Variants in GRM3 observed in about 807,000 individuals in gnomAD.
GRM3 encodes the protein metabotropic glutamate receptor 3.
Under a neutral mutation model 70.5 loss-of-function variants are expected in GRM3, and 26 were observed. The observed-to-expected ratio is 0.37, with a 90% CI of 0.27 to 0.51. The LOEUF is 0.51. Among genes scored for constraint, GRM3 ranks in the 20% least tolerant of loss-of-function variants. The pLI, the probability that GRM3 is intolerant of heterozygous loss-of-function variation, is 0.93. For missense variants in GRM3, 859 were observed against 1,123.8 expected, an observed-to-expected ratio of 0.76 and a Z score of 3.37; for synonymous variants, 443 against 434.9, an observed-to-expected ratio of 1.02 and a Z score of -0.23.
chr7:86,651,569 G>A (rs998461151), intron 1 of GRM3, among the ~76,000 whole-genome samples: 1 of 152,066 alleles, frequency 6.6e-6, no homozygotes, highest in African/African-American at 2.4e-5. Context: ...TTTCTACTTT[G>A]GAACATCTTG....
At position 86,666,111 on chromosome 7, in the gene GRM3, G is replaced by C. The variant is rs76769011; in HGVS notation, c.-141+21239G>C. 3.5e-3 allele frequency among the ~76,000 whole-genome samples: 539 copies of C among 152,104 alleles called. 1 individual carries two copies. Among genetic ancestry groups the C allele is most frequent in the East Asian group, 0.023 (119 of 5,184 alleles). ...TTGAAATGTATTTTAACAAAAGCAT[G>C]AGTTATTGAAAGTCAAATAATCCTT... On this transcript the variant is annotated intron_variant, in intron 1 of 5. Transcript: ENST00000361669.
At chr7:86,799,813 G>A (rs139227863) in intron 3 of GRM3, among the ~76,000 whole-genome samples, 2,976 of 152,258 alleles carry the variant, frequency 0.02, 91 homozygotes, top group African/African-American at 0.067. Flanking sequence ...ACAGGCGTGA[G>A]CCACCATGCC....
intron 1 of GRM3, among the ~76,000 whole-genome samples, chr7:86,729,239 T>A (rs1795664478): frequency 6.6e-6 from 1 of 152,202 alleles, no homozygotes; most frequent in African/African-American, 2.4e-5. Context: ...TATAGCAAAG[T>A]AATCTCTTCT....
intron 3 of GRM3, among the ~76,000 whole-genome samples, chr7:86,797,700 G>A (rs1430712783): frequency 6.6e-6 from 1 of 152,210 alleles, no homozygotes; most frequent in Non-Finnish European, 1.5e-5. Flanking sequence ...CATAAGGAGT[G>A]AGGAGTCAAA....
chr7:86,857,987 C>T lies in GRM3; in HGVS notation c.2567-6295C>T, dbSNP rs1315654102. On this transcript the variant is annotated intron_variant, in intron 5 of 5. Coordinates refer to ENST00000361669, the MANE Select transcript of GRM3 (RefSeq NM_000840.3). ...TATTTTATTTTTTGAGACGGAGTCT[C>T]ACTCTGTCCCCCAGGCTGGAGTGCA... Among the ~76,000 whole-genome samples, 5 of 150,158 alleles carry T rather than the reference C, an allele frequency of 3.3e-5. No individual in the cohort carries two copies. In the East Asian group the frequency reaches 9.7e-4, roughly 29 times the overall value.
chr7:86,810,254 T>C (rs1335027270), intron 3 of GRM3, among the ~76,000 whole-genome samples: 2 of 151,958 alleles, frequency 1.3e-5, no homozygotes, highest in East Asian at 3.9e-4. Context: ...CGTTCAATAT[T>C]GTCAAAGAAA....
chr7:86,675,842 G>A (rs1252637236), intron 1 of GRM3, among the ~76,000 whole-genome samples: 1 of 151,936 alleles, frequency 6.6e-6, no homozygotes, highest in Non-Finnish European at 1.5e-5. Flanking sequence ...TCTGAAATAT[G>A]TTCAAGAAAT....
rs1278881389 is a variant in GRM3, at chr7:86,786,946, A to G, written c.1154A>G (p.Glu385Gly). The G allele has an allele frequency of 2.5e-6, 4 of 1,614,192 alleles. No individual in the cohort carries two copies. The East Asian group carries it at 8.9e-5, about 36-fold the overall frequency. Reference sequence around the variant, plus strand: ...CTGGCCATCGACAGCAGCAACTACGAGCAAGAGTCCAAGATCATGTTTGTG... The same window carrying G: ...CTGGCCATCGACAGCAGCAACTACGGGCAAGAGTCCAAGATCATGTTTGTG... The part of the protein sequence containing the change: ...KHLAIDSSNY[E>G]QESKIMFVVN... Residue 385 changes from glutamate (E) to glycine (G), a missense_variant, in exon 3 of 6, where the codon GAG (glutamate) becomes GGG (glycine). By Grantham distance (98) the Glu-to-Gly change is moderately conservative. Coordinates refer to ENST00000361669, the MANE Select transcript of GRM3 (RefSeq NM_000840.3). This position sits in a 1 kb window ranked among gnomAD's most constrained non-coding sequence, Gnocchi z 6.0.
intron 1 of GRM3, among the ~76,000 whole-genome samples, chr7:86,676,587 T>C (rs1255134168): frequency 2.0e-5 from 3 of 152,050 alleles, no homozygotes; most frequent in Non-Finnish European, 2.9e-5. Context: ...ATGTAAAAGT[T>C]ATCTATGTTC....
chr7:86,709,755 G>T (rs1317903368), intron 1 of GRM3, among the ~76,000 whole-genome samples: 1 of 152,062 alleles, frequency 6.6e-6, no homozygotes, highest in Non-Finnish European at 1.5e-5. Flanking sequence ...TAGGAATGCT[G>T]AAATTTATAA....
intron 3 of GRM3, among the ~76,000 whole-genome samples, chr7:86,823,083 A>G (rs887892541): frequency 3.3e-5 from 5 of 152,214 alleles, no homozygotes; most frequent in Non-Finnish European, 5.9e-5. Flanking sequence ...ATTGTGAACC[A>G]GAAAAGAAGG....
In GRM3 at chr7:86,765,001, T is replaced by C; in HGVS notation, c.-140-5T>C. On this transcript the variant is annotated splice_region_variant and splice_polypyrimidine_tract_variant and intron_variant, in intron 1 of 5. Transcript: ENST00000361669. ...TTTTTGTTCATATAATTTTTATCTC[T>C]TTAGGAATTTTGTGACAGGCTCTGT... The C allele has an allele frequency of 6.8e-7, 1 of 1,465,768 alleles. No individual in the cohort carries two copies. The highest frequency in any genetic ancestry group is 9.0e-7 in the Non-Finnish European group (1 of 1,116,028). 90.8% of individuals were successfully genotyped at this position (1,465,768 alleles called of 1,614,324 possible). A position where few individuals can be genotyped will look rare whatever the true frequency, so the allele number is the denominator to read the frequency against.
chr7:86,682,984 G>A (rs1431521587), intron 1 of GRM3, among the ~76,000 whole-genome samples: 1 of 152,162 alleles, frequency 6.6e-6, no homozygotes, highest in African/African-American at 2.4e-5. Flanking sequence ...TAAGAGCCAA[G>A]ATATTGAAAG....
At chr7:86,780,195 T>A (rs1030392410) in intron 2 of GRM3, among the ~76,000 whole-genome samples, 3 of 152,240 alleles carry the variant, frequency 2.0e-5, no homozygotes, top group Non-Finnish European at 4.4e-5. Context: ...CGTGTGCATG[T>A]GTCTTTATAG....
chr7:86,833,339 A>G (rs1798391530), intron 3 of GRM3, among the ~76,000 whole-genome samples: 1 of 151,996 alleles, frequency 6.6e-6, no homozygotes, highest in Non-Finnish European at 1.5e-5. Flanking sequence ...TGGCACGTGT[A>G]TACATATGTA....
chr7:86,843,174 G>C (rs1255199709), intron 4 of GRM3, among the ~76,000 whole-genome samples: 1 of 152,152 alleles, frequency 6.6e-6, no homozygotes, highest in African/African-American at 2.4e-5. Flanking sequence ...AACTGACTCT[G>C]CTAGATGCTT....
chr7:86,804,611 A>G (rs897229114), intron 3 of GRM3, among the ~76,000 whole-genome samples: 1 of 151,974 alleles, frequency 6.6e-6, no homozygotes, highest in Admixed American at 6.6e-5. Flanking sequence ...GGGTTTCACC[A>G]TGTTGGCCAG....
At chr7:86,820,392 T>A (rs1177173184) in intron 3 of GRM3, among the ~76,000 whole-genome samples, 1 of 152,132 alleles carries the variant, frequency 6.6e-6, no homozygotes. Context: ...CTGTTACCTC[T>A]AGGTCATTAT....
At chr7:86,650,330 A>T (rs1168412305) in intron 1 of GRM3, among the ~76,000 whole-genome samples, 1 of 150,082 alleles carries the variant, frequency 6.7e-6, no homozygotes, top group Non-Finnish European at 1.5e-5. Context: ...CTTTACTACC[A>T]ATATTGCCTC....
Sources: allele counts gnomAD v4.1 joint callset (sites outside exome capture counted in the v4.1 genomes callset), GRCh38; gene constraint gnomAD v4.1.1; non-coding constraint Gnocchi (gnomAD v3.1); transcripts MANE v1.5; gene names NCBI Gene and HGNC (gene_info 2026-07-23, HGNC 2026-07-21).